USP14: variants seen among roughly 807,000 people sequenced by gnomAD.
USP14 encodes the protein ubiquitin carboxyl-terminal hydrolase 14.
USP14 carries 38 observed loss-of-function variants against 76.5 expected under a neutral mutation model. The observed-to-expected ratio is 0.50, with a 90% CI of 0.38 to 0.65. The LOEUF (loss-of-function observed/expected upper bound fraction) is 0.65, where lower values mean the gene tolerates loss of function less well. USP14 is among the 30% of genes least tolerant of loss of function. USP14 has a pLI of 0.00. For missense variants in USP14, 467 were observed against 586.5 expected, an observed-to-expected ratio of 0.80 and a Z score of 2.10; for synonymous variants, 192 against 191.7, an observed-to-expected ratio of 1.00 and a Z score of -0.01.
chr18:204,417 G>T, intron 12 of USP14, 147 bp from the exon 13 acceptor site: 1 of 701,970 alleles, frequency 1.4e-6, no homozygotes, highest in Admixed American at 4.0e-5. Flanking sequence ...CTCTTAAGAG[G>T]TTTCAACTGC....
Position 163,463 on chromosome 18 carries a change from A to T in USP14, c.162+10A>T, listed in dbSNP as rs779835963. The T allele has an allele frequency of 5.6e-6, 9 of 1,596,934 alleles. No homozygotes were observed. Among genetic ancestry groups the T allele is most frequent in the Non-Finnish European group, 7.7e-6 (9 of 1,173,526 alleles). On this transcript the variant is annotated intron_variant, in intron 2 of 15. Coordinates refer to ENST00000261601, the MANE Select transcript of USP14 (RefSeq NM_005151.4). ...AGGAGGAACGCTAAAGGTAAAATGTAGTCCAAATTTTCATCACATTACTAT... is the reference window on the plus strand; with the variant it reads ...AGGAGGAACGCTAAAGGTAAAATGTTGTCCAAATTTTCATCACATTACTAT...
chr18:204,847 T>A (rs1910485472), intron 13 of USP14, among the ~76,000 whole-genome samples, 155 bp downstream of exon 13: 2 of 152,014 alleles, frequency 1.3e-5, no homozygotes, highest in African/African-American at 4.8e-5. Flanking sequence ...TTAGCAGGTA[T>A]ACACATCCTC....
chr18:197,336 G>A (rs1439917962), intron 7 of USP14, among the ~76,000 whole-genome samples: 2 of 151,862 alleles, frequency 1.3e-5, no homozygotes, highest in Non-Finnish European at 1.5e-5. Flanking sequence ...GCTTTTTTTC[G>A]CTTCATAACC....
Position 171,025 on chromosome 18 carries a change from A to AATATATATAT in USP14, c.195+4228_195+4237dup, listed in dbSNP as rs57888885. Among the ~76,000 whole-genome samples the AATATATATAT allele has an allele frequency of 3.3e-3, 156 of 47,608 alleles. 2 individuals carry two copies. Among genetic ancestry groups the AATATATATAT allele is most frequent in the Non-Finnish European group, 4.8e-3 (127 of 26,718 alleles). The allele number at this position is 47,608 out of a possible 152,430, so 31.2% of individuals were successfully genotyped here. The stretch of plus-strand genomic sequence containing the variant: ...CCTGGAACTTAAAAAAAAAAAAAAA[A>AATATATATAT]ATATATATATATATATATATATATA... On this transcript the variant is annotated intron_variant, in intron 3 of 15. Transcript: ENST00000261601.
At chr18:183,026 G>A (rs1288513109) in intron 5 of USP14, among the ~76,000 whole-genome samples, 1 of 152,156 alleles carries the variant, frequency 6.6e-6, no homozygotes, top group African/African-American at 2.4e-5. Flanking sequence ...ATTCTAGGTA[G>A]CTAAGATTAT....
rs1910741434 is a variant in USP14, at chr18:213,602, TGCTAGATTACTGCTTG to T, written c.*2319_*2334del. ...GGCCATCATCTCAACATTAGAGTTG[TGCTAGATTACTGCTTG>T]ACTGACTAGCTAGGTTAGGCCTAAG... On this transcript the variant is annotated 3_prime_UTR_variant, in exon 16 of 16. Transcript: ENST00000261601. 2 of 152,592 alleles carry T rather than the reference TGCTAGATTACTGCTTG, an allele frequency of 1.3e-5. No homozygotes were observed. The highest frequency in any genetic ancestry group is 2.9e-5 in the Non-Finnish European group (2 of 68,030). 9.5% of individuals were successfully genotyped at this position (152,592 alleles called of 1,614,324 possible).
intron 6 of USP14, among the ~76,000 whole-genome samples, chr18:194,731 G>C (rs570932469): frequency 6.6e-6 from 1 of 152,198 alleles, no homozygotes; most frequent in Non-Finnish European, 1.5e-5. Context: ...AGGGGTTTGA[G>C]ACCAGCCTGG....
intron 3 of USP14, 48 bp downstream of exon 3, chr18:166,867 T>G (rs770338034): frequency 6.4e-7 from 1 of 1,554,922 alleles, no homozygotes; most frequent in South Asian, 1.1e-5. Flanking sequence ...AACCTCATTA[T>G]GATACCAAAA....
intron 13 of USP14, among the ~76,000 whole-genome samples, chr18:208,671 C>T (rs978735907): frequency 1.3e-5 from 2 of 152,108 alleles, no homozygotes; most frequent in Admixed American, 1.3e-4. Flanking sequence ...AAGTAATTTT[C>T]CTGTTATGTT....
intron 1 of USP14, among the ~76,000 whole-genome samples, chr18:159,925 A>G (rs1389224292): frequency 6.6e-6 from 1 of 152,220 alleles, no homozygotes; most frequent in East Asian, 1.9e-4. Flanking sequence ...CATATTGAGA[A>G]TCTGTATTTT....
At chr18:180,033 A>G (rs1484849570) in intron 4 of USP14, among the ~76,000 whole-genome samples, 1 of 152,182 alleles carries the variant, frequency 6.6e-6, no homozygotes, top group Non-Finnish European at 1.5e-5. Context: ...CTAAAACATA[A>G]TATGATGGCC....
At position 211,362 on chromosome 18, in the gene USP14, G is replaced by A; in HGVS notation, c.*78G>A. On this transcript the variant is annotated 3_prime_UTR_variant, in exon 16 of 16. Transcript: ENST00000261601. ...CATTTCTATAATCCAGAGCTTTAGAGGAAGACACATAGGTGGGTTTATGTT... is the reference window on the plus strand; with the variant it reads ...CATTTCTATAATCCAGAGCTTTAGAAGAAGACACATAGGTGGGTTTATGTT... 2.7e-6 allele frequency: 4 copies of A among 1,476,156 alleles called. No individual in the cohort carries two copies. Among genetic ancestry groups the A allele is most frequent in the South Asian group, 1.3e-5 (1 of 74,272 alleles). 91.4% of individuals were successfully genotyped at this position (1,476,156 alleles called of 1,614,324 possible).
At chr18:191,370 T>A (rs1910082989) in intron 5 of USP14, among the ~76,000 whole-genome samples, 1 of 152,210 alleles carries the variant, frequency 6.6e-6, no homozygotes, top group Non-Finnish European at 1.5e-5. Context: ...ATACTCTCTG[T>A]GATTTCTTTC....
chr18:162,998 G>T (rs1390225162), intron 1 of USP14: 1 of 172,846 alleles, frequency 5.8e-6, no homozygotes, highest in Admixed American at 6.3e-5. Flanking sequence ...GGCTGGTCTC[G>T]AACTCCTGAC....
At chr18:202,667 G>T (rs111311471) in intron 10 of USP14, among the ~76,000 whole-genome samples, 2 of 152,036 alleles carry the variant, frequency 1.3e-5, no homozygotes, top group Admixed American at 1.3e-4. Context: ...CCACAACAAC[G>T]TAAATTATTT....
chr18:195,449 A>G (rs892174772), intron 6 of USP14, among the ~76,000 whole-genome samples: 2 of 152,206 alleles, frequency 1.3e-5, no homozygotes, highest in Non-Finnish European at 2.9e-5. Flanking sequence ...TTAATAAAAC[A>G]TACAAGTTGA....
intron 1 of USP14, among the ~76,000 whole-genome samples, chr18:160,690 AG>A (rs1909093237): frequency 6.6e-6 from 1 of 152,242 alleles, no homozygotes; most frequent in African/African-American, 2.4e-5. Flanking sequence ...AATTTCAGGT[AG>A]GTTCCTCTCC....
intron 6 of USP14, among the ~76,000 whole-genome samples, chr18:193,445 A>G (rs1567833148): frequency 1.3e-5 from 2 of 152,100 alleles, no homozygotes; most frequent in Non-Finnish European, 2.9e-5. Flanking sequence ...CTTTATTGAT[A>G]TAGTGTACAT....
At chr18:188,925 G>A (rs185238498) in intron 5 of USP14, among the ~76,000 whole-genome samples, 2 of 152,034 alleles carry the variant, frequency 1.3e-5, no homozygotes, top group African/African-American at 4.8e-5. Flanking sequence ...GTGATCCCCC[G>A]GCTTTGGCCT....
Sources: allele counts gnomAD v4.1 joint callset (sites outside exome capture counted in the v4.1 genomes callset), GRCh38; gene constraint gnomAD v4.1.1; transcripts MANE v1.5; gene names NCBI Gene and HGNC (gene_info 2026-07-23, HGNC 2026-07-21).